The following ERLIN2 variants were observed in gnomAD, a reference collection of about 807,000 sequenced individuals.
The protein encoded by ERLIN2 is ER lipid raft associated 2.
A neutral mutation model predicts 41.5 loss-of-function variants in ERLIN2; 22 were observed. That is an observed-to-expected ratio of 0.53 (90% CI 0.38 to 0.76). The LOEUF (loss-of-function observed/expected upper bound fraction) is 0.76. Among genes scored for constraint, ERLIN2 ranks in the 30% least tolerant of loss-of-function variants. ERLIN2 has a pLI of 0.00. For synonymous variants in ERLIN2, 149 were observed against 150.9 expected (o/e 0.99, Z 0.09); for missense variants, 247 against 414.3 (o/e 0.60, Z 3.51).
At position 37,740,365 on chromosome 8, in the gene ERLIN2, A is replaced by G. The variant is rs755889360; in HGVS notation, c.108A>G (p.Arg36=). Residue 36 remains arginine (R), a splice_region_variant and synonymous_variant, in exon 3 of 12, where the codon AGA becomes AGG. Coordinates refer to ENST00000519638, the MANE Select transcript of ERLIN2 (RefSeq NM_007175.8). ...IEEGHIGVYY[R]GGALLTSTSG... is the part of the protein sequence containing the mutation. Reference sequence around the variant, plus strand: ...CCTCTCTCTTCCCCCTCCTCTGCAGAGGCGGTGCCCTGCTGACTTCGACCA... The same window carrying G: ...CCTCTCTCTTCCCCCTCCTCTGCAGGGGCGGTGCCCTGCTGACTTCGACCA... The G allele has an allele frequency of 1.2e-6, 2 of 1,610,598 alleles. No individual in the cohort carries two copies. The highest frequency in any genetic ancestry group is 8.5e-7 in the Non-Finnish European group (1 of 1,177,536).
At position 37,738,026 on chromosome 8, in the gene ERLIN2, A is replaced by G; in HGVS notation, c.104A>G (p.Tyr35Cys). The stretch of plus-strand genomic sequence containing the variant: ...GAAGAGGGACATATTGGGGTATATT[A>G]CAGGTAAGGCAGAGACAGGGAGAAG... ...KIEEGHIGVY[Y>C]RGGALLTSTS... Residue 35 changes from tyrosine (Y) to cysteine (C), a missense_variant, in exon 2 of 12, where the codon TAC becomes TGC. Physicochemically the swap from Tyr to Cys is radical, Grantham distance 194 (BLOSUM62 -2). Around this residue, in one of 3 missense-constraint regions of ERLIN2, gnomAD observed 93 missense variants for 139.0 expected, o/e 0.67. Coordinates refer to ENST00000519638, the MANE Select transcript of ERLIN2 (RefSeq NM_007175.8). 6.2e-7 allele frequency: 1 copy of G among 1,614,172 alleles called. No individual in the cohort carries two copies.
In ERLIN2 at chr8:37,754,221, T is replaced by A. The variant is rs1274665144; in HGVS notation, c.*106T>A. The stretch of plus-strand genomic sequence containing the variant: ...ACTACCTTCTCTGACTGTCTTCCAG[T>A]TACTGTGGTGAAAAAGAAGAAATGA... On this transcript the variant is annotated 3_prime_UTR_variant, in exon 12 of 12. Coordinates refer to ENST00000519638, the MANE Select transcript of ERLIN2 (RefSeq NM_007175.8). 160 of 874,230 alleles carry A rather than the reference T, an allele frequency of 1.8e-4. 1 individual carries two copies. Among genetic ancestry groups the A allele is most frequent in the Non-Finnish European group, 5.6e-6 (3 of 532,668 alleles). 54.2% of individuals were successfully genotyped at this position (874,230 alleles called of 1,614,324 possible).
chr8:37,745,372 G>T lies in ERLIN2; in HGVS notation c.424+676G>T, dbSNP rs1803005771. The stretch of plus-strand genomic sequence containing the variant: ...CAAAAAGATTCCACGTGCCTAAGTA[G>T]ATATGTTTTGTCCTTTTTACCTTTT... On this transcript the variant is annotated intron_variant, in intron 6 of 11. Coordinates refer to ENST00000519638, the MANE Select transcript of ERLIN2 (RefSeq NM_007175.8). 8.1e-6 allele frequency: 5 copies of T among 614,300 alleles called. No homozygotes were observed. In the Admixed American group the frequency reaches 1.4e-4, roughly 18 times the overall value. 38.1% of individuals were successfully genotyped at this position (614,300 alleles called of 1,614,324 possible). A position where few individuals can be genotyped will look rare whatever the true frequency, so the allele number is the denominator to read the frequency against.
intron 8 of ERLIN2, chr8:37,750,121 C>T: frequency 3.2e-6 from 2 of 621,394 alleles, no homozygotes; most frequent in Admixed American, 5.3e-5. Flanking sequence ...GTGACTCATG[C>T]CCAAGGTGGA....
intron 4 of ERLIN2, 22 bp from the exon 5 acceptor site, chr8:37,744,333 T>C (rs1209373184): frequency 1.9e-5 from 30 of 1,607,368 alleles, no homozygotes; most frequent in Non-Finnish European, 2.5e-5. Flanking sequence ...CAGTGACTTC[T>C]TGTCCATTCT....
chr8:37,757,449 T>G lies in ERLIN2; in HGVS notation c.*3334T>G, dbSNP rs751270284. ...TTCTGCCTTTGTGTAGACTGATGAT[T>G]AAGTAGGCAAACTACTTCTACTTTC... On this transcript the variant is annotated 3_prime_UTR_variant, in exon 12 of 12. Transcript: ENST00000519638. 5 of 152,192 alleles carry G rather than the reference T, an allele frequency of 3.3e-5. No individual in the cohort carries two copies. The highest frequency in any genetic ancestry group is 6.5e-5 in the Admixed American group (1 of 15,276). 9.4% of individuals were successfully genotyped at this position (152,192 alleles called of 1,614,324 possible).
chr8:37,753,101 G>A (rs1017645437), intron 10 of ERLIN2, among the ~76,000 whole-genome samples: 3 of 152,206 alleles, frequency 2.0e-5, no homozygotes, highest in Non-Finnish European at 2.9e-5. Context: ...GTGCTACACA[G>A]ACATGGATCT....
chr8:37,748,955 C>T (rs1803148108), intron 6 of ERLIN2, among the ~76,000 whole-genome samples: 1 of 152,208 alleles, frequency 6.6e-6, no homozygotes, highest in African/African-American at 2.4e-5. Context: ...GCAAACAGCA[C>T]ATCAAAAGCC....
At chr8:37,736,734 G>C in intron 1 of ERLIN2, 56 bp downstream of exon 1, 2 of 985,680 alleles carry the variant, frequency 2.0e-6, no homozygotes, top group Non-Finnish European at 2.4e-6. Flanking sequence ...GCTCAGGGTC[G>C]GGGCTGACCC....
intron 6 of ERLIN2, chr8:37,747,675 G>T: frequency 6.3e-7 from 1 of 1,593,886 alleles, no homozygotes; most frequent in Non-Finnish European, 8.6e-7. Context: ...TGAAGGTAAC[G>T]GGAGCATTCT....
intron 6 of ERLIN2, chr8:37,746,316 T>C (rs1803047146): frequency 1.0e-6 from 1 of 985,390 alleles, no homozygotes; most frequent in Non-Finnish European, 1.2e-6. Flanking sequence ...TCTTTGCCCA[T>C]GTTATTAAAG....
intron 6 of ERLIN2, chr8:37,748,060 G>A: frequency 7.0e-7 from 1 of 1,438,600 alleles, no homozygotes; most frequent in Non-Finnish European, 9.8e-7. Flanking sequence ...GCGCCGAAAT[G>A]ACGTCACGAG....
intron 6 of ERLIN2, chr8:37,748,115 T>C: frequency 1.4e-6 from 1 of 730,576 alleles, no homozygotes; most frequent in South Asian, 1.6e-5. Flanking sequence ...TAATACAATT[T>C]AAATGGCATT....
At chr8:37,748,685 T>C (rs900086007) in intron 6 of ERLIN2, among the ~76,000 whole-genome samples, 1 of 152,212 alleles carries the variant, frequency 6.6e-6, no homozygotes, top group African/African-American at 2.4e-5. Flanking sequence ...AAAGGAGAGA[T>C]GCAGTGTACA....
Position 37,754,333 on chromosome 8 carries a change from C to G in ERLIN2, c.*218C>G. On this transcript the variant is annotated 3_prime_UTR_variant, in exon 12 of 12. Coordinates refer to ENST00000519638, the MANE Select transcript of ERLIN2 (RefSeq NM_007175.8). Reference sequence around the variant, plus strand: ...TCAGGTAAGCAGTTTATATGACTTCCAATAAGATTTGTAAATCATGGGCTT... The same window carrying G: ...TCAGGTAAGCAGTTTATATGACTTCGAATAAGATTTGTAAATCATGGGCTT... 1.8e-6 allele frequency: 1 copy of G among 562,796 alleles called. No individual in the cohort carries two copies. The highest frequency in any genetic ancestry group is 2.0e-5 in the South Asian group (1 of 50,232). 34.9% of individuals were successfully genotyped at this position (562,796 alleles called of 1,614,324 possible).
intron 9 of ERLIN2, 21 bp downstream of exon 9, chr8:37,750,507 T>A: frequency 6.3e-7 from 1 of 1,596,384 alleles, no homozygotes. Flanking sequence ...GGTTCTGTGA[T>A]CCCCCTTTCC....
chr8:37,750,988 G>T (rs1386419785), intron 9 of ERLIN2, among the ~76,000 whole-genome samples: 1 of 152,084 alleles, frequency 6.6e-6, no homozygotes, highest in Admixed American at 6.5e-5. Flanking sequence ...CAAAGTGCTG[G>T]GATTACAGAC....
At chr8:37,738,113 G>A in intron 2 of ERLIN2, 84 bp downstream of exon 2, 1 of 1,494,774 alleles carries the variant, frequency 6.7e-7, no homozygotes, top group Non-Finnish European at 9.3e-7. Flanking sequence ...AGATTCTGCT[G>A]AACATCTCTA....
At chr8:37,739,943 C>T (rs1802792377) in intron 2 of ERLIN2, among the ~76,000 whole-genome samples, 1 of 152,048 alleles carries the variant, frequency 6.6e-6, no homozygotes, top group Middle Eastern at 3.2e-3. Context: ...GTAGCTGGGA[C>T]TATAGGCATA....
Sources: allele counts gnomAD v4.1 joint callset (sites outside exome capture counted in the v4.1 genomes callset), GRCh38; gene constraint gnomAD v4.1.1; regional missense constraint gnomAD v4.1.1; transcripts MANE v1.5; gene names NCBI Gene and HGNC (gene_info 2026-07-23, HGNC 2026-07-21).